BRD3: variants seen among roughly 807,000 people sequenced by gnomAD.
BRD3 encodes bromodomain containing 3.
BRD3 carries 17 observed loss-of-function variants against 66.8 expected under a neutral mutation model. The ratio of observed to expected loss-of-function variants is 0.25; its 90% CI spans 0.17 to 0.38. The LOEUF (loss-of-function observed/expected upper bound fraction) is 0.38, where lower values mean the gene tolerates loss of function less well. Ranked by LOEUF, BRD3 falls within the 10% of genes least tolerant of loss-of-function variation. BRD3 has a pLI of 1.00. For synonymous variants in BRD3, 421 were observed against 393.2 expected (o/e 1.07, Z -0.84); for missense variants, 713 against 956.1 (o/e 0.75, Z 3.35).
At chr9:134,055,907 C>T (rs1830412831) in intron 1 of BRD3, 1 of 152,444 alleles carries the variant, frequency 6.6e-6, no homozygotes, top group Admixed American at 6.5e-5. Context: ...GGATCCCACG[C>T]CTGGCCAGAT....
intron 1 of BRD3, among the ~76,000 whole-genome samples, chr9:134,059,956 T>C (rs1178351678): frequency 1.3e-5 from 2 of 152,166 alleles, no homozygotes; most frequent in East Asian, 3.9e-4. Context: ...GGGAGCCAGA[T>C]GTGCCACTGC....
intron 5 of BRD3, 98 bp from the exon 6 acceptor site, chr9:134,048,552 C>A (rs550527422): frequency 4.5e-6 from 7 of 1,554,952 alleles, no homozygotes; most frequent in Admixed American, 3.5e-5. Context: ...GCCTGCCTGG[C>A]GCTGGGCTAA....
chr9:134,039,719 G>A (rs576396764), intron 9 of BRD3, among the ~76,000 whole-genome samples: 4 of 152,296 alleles, frequency 2.6e-5, no homozygotes, highest in South Asian at 2.1e-4. Context: ...AAAACGGGGC[G>A]TTCAACTCCC....
Position 134,033,606 on chromosome 9 carries a change from C to T in BRD3, c.2165G>A (p.Ser722Asn). 1.3e-6 allele frequency: 1 copy of T among 768,392 alleles called. No homozygotes were observed. 47.6% of individuals were successfully genotyped at this position (768,392 alleles called of 1,614,324 possible). A position where few individuals can be genotyped will look rare whatever the true frequency, so the allele number is the denominator to read the frequency against. Residue 722 changes from serine to asparagine, a missense_variant, in exon 12 of 12, where the codon AGC becomes AAC. Physicochemically the swap from Ser to Asn is conservative, Grantham distance 46. This residue lies in a region of BRD3 where 42 missense variants were observed against 29.2 expected (regional missense o/e 1.44). Coordinates refer to ENST00000303407, the MANE Select transcript of BRD3 (RefSeq NM_007371.4). This position sits in a 1 kb window ranked among gnomAD's most constrained non-coding sequence, Gnocchi z 5.1. ...GAAGCCAGTTCATTCTGAGTCACTGCTGTCAGAGCTGGACCCGCTGGAGCT... is the reference window on the plus strand; with the variant it reads ...GAAGCCAGTTCATTCTGAGTCACTGTTGTCAGAGCTGGACCCGCTGGAGCT... ...SSSSSGSSSD[S>N]SDSE
chr9:134,064,099 A>G (rs1187173162), intron 1 of BRD3, among the ~76,000 whole-genome samples: 1 of 152,180 alleles, frequency 6.6e-6, no homozygotes, highest in Non-Finnish European at 1.5e-5. Flanking sequence ...AGCCAACAGC[A>G]CGGACACAAC....
rs1196896311 is a variant in BRD3, at chr9:134,065,334, G to A, written c.-114+2611C>T. On this transcript the variant is annotated intron_variant, in intron 1 of 11. Transcript: ENST00000303407. ...AGCTACTTGGGAGGCTGAAGCAGGAGAATTGCTAGAACCCGGGAGGTAGAG... is the reference window on the plus strand; with the variant it reads ...AGCTACTTGGGAGGCTGAAGCAGGAAAATTGCTAGAACCCGGGAGGTAGAG... 2.0e-5 allele frequency among the ~76,000 whole-genome samples: 3 copies of A among 152,066 alleles called. No individual in the cohort carries two copies. The East Asian group carries it at 5.8e-4, about 29-fold the overall frequency.
intron 1 of BRD3, among the ~76,000 whole-genome samples, chr9:134,065,413 G>A (rs1209714674): frequency 1.4e-5 from 2 of 147,562 alleles, no homozygotes; most frequent in South Asian, 2.1e-4. Context: ...AACAATGCGA[G>A]ACTCCATCTC....
chr9:134,032,971 C>T lies in BRD3; in HGVS notation c.*619G>A, dbSNP rs1483707692. The T allele has an allele frequency of 8.1e-5, 32 of 395,210 alleles. No homozygotes were observed. In the East Asian group the frequency reaches 9.7e-4, roughly 12 times the overall value. The allele number at this position is 395,210 out of a possible 1,614,324, so 24.5% of individuals were successfully genotyped here. A position where few individuals can be genotyped will look rare whatever the true frequency, so the allele number is the denominator to read the frequency against. On this transcript the variant is annotated 3_prime_UTR_variant, in exon 12 of 12. Coordinates refer to ENST00000303407, the MANE Select transcript of BRD3 (RefSeq NM_007371.4). Reference sequence around the variant, plus strand: ...CTCCGAGGAGCTCCTGACATCACCACGAGCGGAGAACGCACATCCCACCCG... The same window carrying T: ...CTCCGAGGAGCTCCTGACATCACCATGAGCGGAGAACGCACATCCCACCCG...
At position 134,032,455 on chromosome 9, in the gene BRD3, AAAAAACCACAAAG is replaced by A; in HGVS notation, c.*1122_*1134del. 4.5e-6 allele frequency: 1 copy of A among 220,914 alleles called. No homozygotes were observed. Among genetic ancestry groups the A allele is most frequent in the Non-Finnish European group, 9.0e-6 (1 of 110,790 alleles). The allele number at this position is 220,914 out of a possible 1,614,324, so 13.7% of individuals were successfully genotyped here. On this transcript the variant is annotated 3_prime_UTR_variant, in exon 12 of 12. Transcript: ENST00000303407. ...AGTTTCATACAAAAAAAAAAAAAAAAAAAAACCACAAAGAAAAAAACCAAAAAACCCAACAAAC... is the reference window on the plus strand; with the variant it reads ...AGTTTCATACAAAAAAAAAAAAAAAAAAAAAAACCAAAAAACCCAACAAAC...
chr9:134,051,780 G>T, intron 3 of BRD3, 71 bp from the exon 4 acceptor site: 1 of 1,500,918 alleles, frequency 6.7e-7, no homozygotes, highest in Non-Finnish European at 8.9e-7. Flanking sequence ...ATTATTAGTT[G>T]TAGCTCAAAA....
At chr9:134,052,471 C>T in intron 2 of BRD3, 28 bp from the exon 3 acceptor site, 1 of 1,586,802 alleles carries the variant, frequency 6.3e-7, no homozygotes, top group East Asian at 2.2e-5. Context: ...AGAGGCATTA[C>T]CAGAAGATTC....
chr9:134,068,228 G>GGGGGCGCGCGGGGGC (rs1295182228), upstream of BRD3: 1 of 146,172 alleles, frequency 6.8e-6, no homozygotes. Context: ...GCCTGGCCCG[G>GGGGGCGCGCGGGGGC]GGGGCGCGCG....
rs1261840749 is a variant in BRD3 at position 134,030,855 on chromosome 9, C to T, written c.*2735G>A. 8.6e-6 allele frequency: 2 copies of T among 232,384 alleles called. No individual in the cohort carries two copies. The highest frequency in any genetic ancestry group is 4.4e-5 in the African/African-American group (2 of 45,284). The allele number at this position is 232,384 out of a possible 1,614,324, so 14.4% of individuals were successfully genotyped here. ...CTCCAGGGGTCATTCAGAGTGTTCT[C>T]AAATCCAATTCCGACACACGACTTG... is the stretch of plus-strand genomic sequence containing the variant. On this transcript the variant is annotated 3_prime_UTR_variant, in exon 12 of 12. Coordinates refer to ENST00000303407, the MANE Select transcript of BRD3 (RefSeq NM_007371.4).
At chr9:134,042,644 T>TACACACACAC (rs1291806834) in intron 7 of BRD3, among the ~76,000 whole-genome samples, 1 of 128,788 alleles carries the variant, frequency 7.8e-6, no homozygotes, top group African/African-American at 2.9e-5. Context: ...CTCAAATATA[T>TACACACACAC]ATACACACAC....
chr9:134,064,017 G>A (rs1046924063), intron 1 of BRD3, among the ~76,000 whole-genome samples: 2 of 152,180 alleles, frequency 1.3e-5, no homozygotes, highest in African/African-American at 2.4e-5. Flanking sequence ...ACCAGGCTCC[G>A]AAGGCCCTGT....
chr9:134,036,852 A>T (rs970950118), intron 9 of BRD3, among the ~76,000 whole-genome samples: 1 of 151,958 alleles, frequency 6.6e-6, no homozygotes, highest in Non-Finnish European at 1.5e-5. Context: ...ACTACTAAAA[A>T]TACAAAAAAT....
upstream of BRD3, chr9:134,068,215 C>G (rs1045265333): frequency 6.9e-6 from 1 of 145,002 alleles, no homozygotes; most frequent in African/African-American, 2.5e-5. Flanking sequence ...CGGCCGAGAG[C>G]GGGCCTGGCC....
Position 134,032,866 on chromosome 9 carries a change from T to TTG in BRD3, c.*723_*724insCA. 2 of 261,710 alleles carry TTG rather than the reference T, an allele frequency of 7.6e-6. No homozygotes were observed. The highest frequency in any genetic ancestry group is 6.9e-6 in the Non-Finnish European group (1 of 144,442). 16.2% of individuals were successfully genotyped at this position (261,710 alleles called of 1,614,324 possible). ...TTTTTTTTTTTTTTTAAATCTTTTCTTCTTTTTTTTTTTTTAAAGTTGAGG... is the reference window on the plus strand; with the variant it reads ...TTTTTTTTTTTTTTTAAATCTTTTCTTGTCTTTTTTTTTTTTTAAAGTTGAGG... On this transcript the variant is annotated 3_prime_UTR_variant, in exon 12 of 12. Coordinates refer to ENST00000303407, the MANE Select transcript of BRD3 (RefSeq NM_007371.4).
chr9:134,040,573 G>T (rs1443516756), intron 8 of BRD3, among the ~76,000 whole-genome samples: 2 of 152,320 alleles, frequency 1.3e-5, no homozygotes, highest in African/African-American at 4.8e-5. Context: ...TAAAAAAAAT[G>T]TATTATACTT....
Sources: allele counts gnomAD v4.1 joint callset (sites outside exome capture counted in the v4.1 genomes callset), GRCh38; gene constraint gnomAD v4.1.1; regional missense constraint gnomAD v4.1.1; non-coding constraint Gnocchi (gnomAD v3.1); transcripts MANE v1.5; gene names NCBI Gene and HGNC (gene_info 2026-07-23, HGNC 2026-07-21).